COL5A2: variants seen among roughly 807,000 people sequenced by gnomAD.
The protein encoded by COL5A2 is collagen type V alpha 2 chain, also known as collagen alpha-2(V) chain.
Under a neutral mutation model 208.2 loss-of-function variants are expected in COL5A2, and 23 were observed. The ratio of observed to expected loss-of-function variants is 0.11; its 90% CI spans 0.08 to 0.16. The LOEUF is 0.16. Among genes scored for constraint, COL5A2 ranks in the 10% least tolerant of loss-of-function variants. The probability of loss-of-function intolerance (pLI) is 1.00; values close to 1 mark genes in which losing one functional copy is unlikely to be tolerated. For synonymous variants in COL5A2, 625 were observed against 628.5 expected (o/e 0.99, Z 0.08); for missense variants, 1,590 against 1,956.4 (o/e 0.81, Z 3.53).
chr2:189,054,749 T>G (rs2105568659), intron 35 of COL5A2, among the ~76,000 whole-genome samples: 1 of 145,672 alleles, frequency 6.9e-6, no homozygotes, highest in Non-Finnish European at 1.5e-5. Flanking sequence ...CAGAATGGAG[T>G]GCAGTAGCCA....
At position 189,039,266 on chromosome 2, in the gene COL5A2, A is replaced by G; in HGVS notation, c.3925+6T>C. The G allele has an allele frequency of 6.2e-7, 1 of 1,613,694 alleles. No individual in the cohort carries two copies. The highest frequency in any genetic ancestry group is 1.1e-5 in the South Asian group (1 of 91,068). On this transcript the variant is annotated splice_donor_region_variant and intron_variant, in intron 51 of 53. Transcript: ENST00000374866. ...GTTTTGCTCAAATGGGCTGCTGTCT[A>G]CTCACCACTCTGCTTTGCGGAATGG...
chr2:189,085,561 T>C (rs547542172), intron 10 of COL5A2, among the ~76,000 whole-genome samples, 158 bp downstream of exon 10: 98 of 152,310 alleles, frequency 6.4e-4, no homozygotes, highest in African/African-American at 2.2e-3. Flanking sequence ...ATGAGAAACA[T>C]ATAGCTTAAG....
chr2:189,255,503 A>C, the COL5A2 span, among the ~76,000 whole-genome samples: 1 of 152,306 alleles, frequency 6.6e-6, no homozygotes, highest in Non-Finnish European at 1.5e-5. Flanking sequence ...TGTTTGAAAA[A>C]TTCAATATTC....
the COL5A2 span, among the ~76,000 whole-genome samples, chr2:189,420,978 T>G: frequency 6.6e-6 from 1 of 152,208 alleles, no homozygotes; most frequent in Non-Finnish European, 1.5e-5. Flanking sequence ...TGAAATATTC[T>G]GATTAAAATA....
intron 3 of COL5A2, among the ~76,000 whole-genome samples, chr2:189,101,805 CAGA>C (rs2105693835): frequency 6.6e-6 from 1 of 152,000 alleles, no homozygotes; most frequent in South Asian, 2.1e-4. Flanking sequence ...AAGGGCTCTC[CAGA>C]AGCAGGAGGC....
At chr2:189,262,397 G>C in the COL5A2 span, among the ~76,000 whole-genome samples, 140,998 of 152,156 alleles carry the variant, frequency 0.93, 65,598 homozygotes, top group East Asian at 1. Context: ...ATACACACTA[G>C]TTTACCAACT....
At chr2:189,185,756 C>T (rs1041340742) in intron 1 of COL5A2, among the ~76,000 whole-genome samples, 2 of 152,180 alleles carry the variant, frequency 1.3e-5, no homozygotes, top group Admixed American at 1.3e-4. Context: ...TCATTGTTTG[C>T]TTGATAGCTA....
chr2:189,249,805 T>C, the COL5A2 span, among the ~76,000 whole-genome samples: 1 of 152,154 alleles, frequency 6.6e-6, no homozygotes, highest in Non-Finnish European at 1.5e-5. Flanking sequence ...CAACTGATTC[T>C]CCTACCTCAG....
chr2:189,310,890 T>C, the COL5A2 span, among the ~76,000 whole-genome samples: 4 of 151,650 alleles, frequency 2.6e-5, no homozygotes, highest in African/African-American at 9.7e-5. Context: ...ATTAAACTCA[T>C]ACAGATAGGG....
At chr2:189,278,930 AT>A in the COL5A2 span, among the ~76,000 whole-genome samples, 4 of 151,858 alleles carry the variant, frequency 2.6e-5, no homozygotes, top group African/African-American at 9.7e-5. Flanking sequence ...ATAAGAGTTT[AT>A]TTTTGCCCTA....
intron 1 of COL5A2, among the ~76,000 whole-genome samples, chr2:189,117,886 T>A (rs1335870499): frequency 6.6e-6 from 1 of 152,136 alleles, no homozygotes; most frequent in South Asian, 2.1e-4. Flanking sequence ...TATTCTGATA[T>A]CCTAGAATAG....
chr2:189,091,390 G>A (rs1318289714), intron 7 of COL5A2, among the ~76,000 whole-genome samples: 3 of 152,116 alleles, frequency 2.0e-5, no homozygotes, highest in Admixed American at 1.3e-4. Context: ...ATTTTGATAT[G>A]GCAAACTTCA....
At chr2:189,161,821 G>A (rs1489565269) in intron 1 of COL5A2, among the ~76,000 whole-genome samples, 1 of 152,096 alleles carries the variant, frequency 6.6e-6, no homozygotes, top group African/African-American at 2.4e-5. Context: ...AAAACAGTGG[G>A]CAATAAATAA....
chr2:189,043,111 T>C, intron 48 of COL5A2, 40 bp downstream of exon 48: 2 of 1,462,528 alleles, frequency 1.4e-6, no homozygotes, highest in Non-Finnish European at 1.9e-6. Context: ...CCGTGTATTT[T>C]CAACTACAGG....
the COL5A2 span, among the ~76,000 whole-genome samples, chr2:189,323,652 C>T: frequency 5.9e-5 from 9 of 152,164 alleles, no homozygotes; most frequent in African/African-American, 2.2e-4. Flanking sequence ...CTACAAACCA[C>T]TGCTCAATGA....
chr2:189,031,957 T>C lies in COL5A2; in HGVS notation c.*2113A>G, dbSNP rs1685343895. ...AAATCCAAATAAGAACTGTTATTTCTATAGTTGGAAATTGTTAGTGTTTGT... is the reference window on the plus strand; with the variant it reads ...AAATCCAAATAAGAACTGTTATTTCCATAGTTGGAAATTGTTAGTGTTTGT... On this transcript the variant is annotated 3_prime_UTR_variant, in exon 54 of 54. Transcript: ENST00000374866. The C allele has an allele frequency of 6.6e-6, 1 of 152,154 alleles. No homozygotes were observed. The highest frequency in any genetic ancestry group is 1.5e-5 in the Non-Finnish European group (1 of 68,020). 9.4% of individuals were successfully genotyped at this position (152,154 alleles called of 1,614,324 possible).
chr2:189,075,518 T>G, intron 16 of COL5A2, 81 bp from the exon 17 acceptor site: 1 of 1,096,710 alleles, frequency 9.1e-7, no homozygotes, highest in East Asian at 2.4e-5. Context: ...ATAAAAAATT[T>G]CCATATTGCA....
chr2:189,340,872 C>G, the COL5A2 span, among the ~76,000 whole-genome samples: 1 of 152,084 alleles, frequency 6.6e-6, no homozygotes, highest in Non-Finnish European at 1.5e-5. Context: ...AGGATGTTTT[C>G]CAAAGACGTT....
At chr2:189,334,063 A>G in the COL5A2 span, among the ~76,000 whole-genome samples, 2 of 152,072 alleles carry the variant, frequency 1.3e-5, no homozygotes, top group Non-Finnish European at 2.9e-5. Flanking sequence ...TAACAATATT[A>G]AACACCCAGT....
Sources: allele counts gnomAD v4.1 joint callset (sites outside exome capture counted in the v4.1 genomes callset), GRCh38; gene constraint gnomAD v4.1.1; transcripts MANE v1.5; gene names NCBI Gene and HGNC (gene_info 2026-07-23, HGNC 2026-07-21).